The following ARHGAP31 variants were observed in gnomAD, a reference collection of about 807,000 sequenced individuals.
ARHGAP31 encodes Rho GTPase activating protein 31.
In ARHGAP31, 34 loss-of-function variants were observed where a neutral mutation model predicts 113.9. The observed-to-expected ratio is 0.30, with a 90% CI of 0.23 to 0.40. The LOEUF (loss-of-function observed/expected upper bound fraction) is 0.40. ARHGAP31 is among the 10% of genes least tolerant of loss of function. ARHGAP31 has a pLI of 1.00. For synonymous variants in ARHGAP31, 650 were observed against 684.8 expected (o/e 0.95, Z 0.79); for missense variants, 1,548 against 1,767.1 (o/e 0.88, Z 2.22).
chr3:119,390,644 G>A, intron 6 of ARHGAP31, 141 bp from the exon 7 acceptor site: 1 of 909,056 alleles, frequency 1.1e-6, no homozygotes, highest in Non-Finnish European at 1.7e-6. Flanking sequence ...TCAGCCCCAG[G>A]CCCCACCATG....
intron 3 of ARHGAP31, among the ~76,000 whole-genome samples, chr3:119,378,094 G>A (rs1431578153): frequency 2.6e-5 from 4 of 152,116 alleles, no homozygotes; most frequent in African/African-American, 7.2e-5. Flanking sequence ...GATTTGAAAA[G>A]AACAAATAGT....
chr3:119,350,738 G>A (rs768501220), intron 1 of ARHGAP31, among the ~76,000 whole-genome samples: 23 of 152,180 alleles, frequency 1.5e-4, no homozygotes, highest in Non-Finnish European at 2.5e-4. Context: ...TGAGATTGAA[G>A]TTTATATTTT....
At chr3:119,400,431 G>A (rs11917642) in intron 9 of ARHGAP31, among the ~76,000 whole-genome samples, 17,196 of 151,900 alleles carry the variant, frequency 0.11, 2,384 homozygotes, top group African/African-American at 0.33. Flanking sequence ...CTGAGATTGC[G>A]CCACTGCACT....
At chr3:119,364,103 A>G (rs1168430632) in intron 1 of ARHGAP31, among the ~76,000 whole-genome samples, 1 of 152,148 alleles carries the variant, frequency 6.6e-6, no homozygotes, top group Middle Eastern at 3.4e-3. Flanking sequence ...CCCGGAGAGA[A>G]CAGCACAGCC....
chr3:119,346,551 TTATAAG>T (rs2080058615), intron 1 of ARHGAP31, among the ~76,000 whole-genome samples: 1 of 152,236 alleles, frequency 6.6e-6, no homozygotes, highest in Non-Finnish European at 1.5e-5. Flanking sequence ...GGGCAGTGTC[TTATAAG>T]TATAAGCTAC....
intron 3 of ARHGAP31, among the ~76,000 whole-genome samples, chr3:119,378,908 G>T (rs890619075): frequency 6.6e-6 from 1 of 152,190 alleles, no homozygotes; most frequent in Admixed American, 6.5e-5. Flanking sequence ...TGCTTAGGCT[G>T]GCCTGTTCTC....
At chr3:119,391,608 C>A (rs930662612) in intron 7 of ARHGAP31, among the ~76,000 whole-genome samples, 7 of 140,736 alleles carry the variant, frequency 5.0e-5, no homozygotes, top group Non-Finnish European at 1.1e-4. Context: ...TCCCCCCCGC[C>A]GTCACTCATA....
At chr3:119,379,831 A>T (rs892596804) in intron 3 of ARHGAP31, among the ~76,000 whole-genome samples, 1 of 152,224 alleles carries the variant, frequency 6.6e-6, no homozygotes, top group African/African-American at 2.4e-5. Flanking sequence ...TATCTCAGTG[A>T]AAAAGGAAAG....
chr3:119,373,694 C>T (rs1310067949), intron 3 of ARHGAP31, among the ~76,000 whole-genome samples: 4 of 152,090 alleles, frequency 2.6e-5, no homozygotes, highest in African/African-American at 9.7e-5. Context: ...AAACTCCTGA[C>T]CTCAGGTGAT....
At chr3:119,354,761 C>A (rs1291770933) in intron 1 of ARHGAP31, among the ~76,000 whole-genome samples, 2 of 149,792 alleles carry the variant, frequency 1.3e-5, no homozygotes, top group African/African-American at 2.5e-5. Context: ...CTCCTGACCT[C>A]AGGTGATCCA....
chr3:119,307,034 A>G (rs9872392), intron 1 of ARHGAP31, among the ~76,000 whole-genome samples: 1 of 139,420 alleles, frequency 7.2e-6, no homozygotes, highest in African/African-American at 2.7e-5. Context: ...AAAAAAACTA[A>G]GTCTGTTAGT....
At chr3:119,388,776 A>G (rs1216718498) in intron 6 of ARHGAP31, among the ~76,000 whole-genome samples, 1 of 152,172 alleles carries the variant, frequency 6.6e-6, no homozygotes, top group African/African-American at 2.4e-5. Context: ...GGTGCCACCT[A>G]CTGACACAAA....
intron 9 of ARHGAP31, among the ~76,000 whole-genome samples, chr3:119,399,931 G>C (rs1464517369): frequency 6.6e-6 from 1 of 152,180 alleles, no homozygotes; most frequent in Non-Finnish European, 1.5e-5. Flanking sequence ...TGACTTGCCT[G>C]TATCTCTCTC....
chr3:119,365,253 T>A lies in ARHGAP31; in HGVS notation c.101-63T>A. The A allele has an allele frequency of 2.9e-6, 4 of 1,369,890 alleles. No individual in the cohort carries two copies. The South Asian group carries it at 3.6e-5, about 12-fold the overall frequency. The allele number at this position is 1,369,890 out of a possible 1,614,324, so 84.9% of individuals were successfully genotyped here. ...AGGTACCTGGATTTTTAAAAGGATATCTTTAAAAGACAGGCAGACTTACAT... is the reference window on the plus strand; with the variant it reads ...AGGTACCTGGATTTTTAAAAGGATAACTTTAAAAGACAGGCAGACTTACAT... On this transcript the variant is annotated intron_variant, in intron 1 of 11. Coordinates refer to ENST00000264245, the MANE Select transcript of ARHGAP31 (RefSeq NM_020754.4).
intron 1 of ARHGAP31, among the ~76,000 whole-genome samples, chr3:119,351,293 G>A (rs1272216817): frequency 2.6e-5 from 4 of 152,198 alleles, no homozygotes; most frequent in Non-Finnish European, 5.9e-5. Flanking sequence ...TCATCAAGTT[G>A]CACTTAGTTG....
intron 1 of ARHGAP31, among the ~76,000 whole-genome samples, chr3:119,334,051 A>C (rs2079919571): frequency 6.6e-6 from 1 of 152,172 alleles, no homozygotes; most frequent in Admixed American, 6.5e-5. Context: ...ACAGTGCCTC[A>C]ACTCCTTTAA....
intron 1 of ARHGAP31, among the ~76,000 whole-genome samples, chr3:119,342,228 T>C (rs1197488465): frequency 6.6e-6 from 1 of 152,204 alleles, no homozygotes; most frequent in Non-Finnish European, 1.5e-5. Context: ...GGCCCCCCGA[T>C]GATTTTTTGT....
intron 3 of ARHGAP31, among the ~76,000 whole-genome samples, chr3:119,373,716 G>A (rs1259552566): frequency 1.3e-5 from 2 of 151,946 alleles, no homozygotes; most frequent in Non-Finnish European, 2.9e-5. Context: ...CACCTGCCTC[G>A]GCCTCCCAAA....
At position 119,312,593 on chromosome 3, in the gene ARHGAP31, A is replaced by G. The variant is rs932249618; in HGVS notation, c.100+17589A>G. 3.3e-5 allele frequency among the ~76,000 whole-genome samples: 5 copies of G among 152,228 alleles called. 1 individual carries two copies. Among genetic ancestry groups the G allele is most frequent in the Admixed American group, 3.3e-4 (5 of 15,276 alleles). On this transcript the variant is annotated intron_variant, in intron 1 of 11. Coordinates refer to ENST00000264245, the MANE Select transcript of ARHGAP31 (RefSeq NM_020754.4). ...TCTTCTCTTGTAAAATTACAAAAATAATAAAATAAAATAACAAAAGCAATT... is the reference window on the plus strand; with the variant it reads ...TCTTCTCTTGTAAAATTACAAAAATGATAAAATAAAATAACAAAAGCAATT...
Sources: gnomAD v4.1 joint callset for allele counts (sites outside exome capture counted in the v4.1 genomes callset) on GRCh38, gnomAD v4.1.1 for gene constraint, MANE v1.5 for transcripts, NCBI Gene and HGNC (gene_info 2026-07-23, HGNC 2026-07-21) for gene names.